The following RUNX1 variants were observed in gnomAD, a reference collection of about 807,000 sequenced individuals.
RUNX1 encodes the protein runt-related transcription factor 1.
A neutral mutation model predicts 42.8 loss-of-function variants in RUNX1; 19 were observed. The observed-to-expected ratio is 0.44, with a 90% CI of 0.31 to 0.65. The LOEUF (loss-of-function observed/expected upper bound fraction) is 0.65. Among genes scored for constraint, RUNX1 ranks in the 30% least tolerant of loss-of-function variants. The pLI is 0.07. For synonymous variants in RUNX1, 271 were observed against 289.4 expected, an observed-to-expected ratio of 0.94 and a Z score of 0.64; for missense variants, 528 against 672.0, an observed-to-expected ratio of 0.79 and a Z score of 2.37.
In RUNX1 at chr21:34,880,191, A is replaced by G. The variant is rs28404578; in HGVS notation, c.508+366T>C. 7.2e-3 allele frequency among the ~76,000 whole-genome samples: 1,092 copies of G among 152,358 alleles called. 12 individuals are homozygous for G. The highest frequency in any genetic ancestry group is 0.025 in the African/African-American group (1,025 of 41,572). ...ATCATACGTCAACAGTTTCCATTAA[A>G]TAGCTTTTGTATTGTTATCCAAGAG... On this transcript the variant is annotated intron_variant, in intron 5 of 8. Transcript: ENST00000675419.
intron 7 of RUNX1, among the ~76,000 whole-genome samples, chr21:34,822,286 C>CATGT (rs561804107): frequency 2.6e-5 from 4 of 152,182 alleles, no homozygotes; most frequent in Non-Finnish European, 5.9e-5. Flanking sequence ...TCCCCCTAAC[C>CATGT]ATGTCATGCA....
At chr21:34,886,739 C>T in intron 4 of RUNX1, 104 bp downstream of exon 4, 1 of 1,568,620 alleles carries the variant, frequency 6.4e-7, no homozygotes. Flanking sequence ...TGCGGGGGCC[C>T]CTTTCCAGAA....
At chr21:34,826,367 C>A (rs2056986922) in intron 7 of RUNX1, among the ~76,000 whole-genome samples, 1 of 151,942 alleles carries the variant, frequency 6.6e-6, no homozygotes, top group Non-Finnish European at 1.5e-5. Context: ...CAGATGCCAG[C>A]ACCATGCTCT....
At chr21:34,795,876 C>G (rs575213890) in intron 8 of RUNX1, among the ~76,000 whole-genome samples, 2 of 152,332 alleles carry the variant, frequency 1.3e-5, no homozygotes, top group East Asian at 3.9e-4. Context: ...TAGGCAAATA[C>G]AGTCAGTTTG....
intron 2 of RUNX1, among the ~76,000 whole-genome samples, chr21:34,961,358 A>AATAATAATAATAATAATG: frequency 7.6e-6 from 1 of 132,168 alleles, no homozygotes; most frequent in Non-Finnish European, 1.5e-5. Flanking sequence ...TCTATCTCAA[A>AATAATAATAATAATAATG]ATAATAATAA....
At chr21:34,893,032 T>C in intron 2 of RUNX1, 69 bp from the exon 3 acceptor site, 5 of 1,016,680 alleles carry the variant, frequency 4.9e-6, no homozygotes, top group Non-Finnish European at 7.7e-6. Context: ...CCGACTTTTT[T>C]TTTTTTGCTA....
At chr21:34,947,961 G>A (rs1266957344) in intron 2 of RUNX1, among the ~76,000 whole-genome samples, 2 of 152,024 alleles carry the variant, frequency 1.3e-5, no homozygotes, top group Admixed American at 6.5e-5. Context: ...CTTTGCTCTC[G>A]TCCAAGCCTT....
chr21:34,897,867 A>T (rs1371310187), intron 2 of RUNX1, among the ~76,000 whole-genome samples: 1 of 152,216 alleles, frequency 6.6e-6, no homozygotes, highest in African/African-American at 2.4e-5. Context: ...TTACATGGAA[A>T]AAAAGAGATT....
intron 8 of RUNX1, 26 bp downstream of exon 8, chr21:34,799,275 A>G (rs772531116): frequency 1.6e-5 from 26 of 1,613,938 alleles, no homozygotes; most frequent in Non-Finnish European, 1.9e-5. Context: ...GCTCAGCTGC[A>G]AAGAATGTGT....
intron 2 of RUNX1, among the ~76,000 whole-genome samples, chr21:34,930,270 G>GTGTATGTGTATATATA (rs372412304): frequency 9.8e-5 from 12 of 123,030 alleles, no homozygotes; most frequent in African/African-American, 4.5e-4. Flanking sequence ...GTGTGTGTAT[G>GTGTATGTGTATATATA]TATATATATA....
At chr21:35,036,371 G>T (rs143567619) in intron 2 of RUNX1, among the ~76,000 whole-genome samples, 26 of 152,234 alleles carry the variant, frequency 1.7e-4, no homozygotes, top group Non-Finnish European at 1.5e-5. Context: ...TGAGAGGCTG[G>T]CCAGCCCCCT....
chr21:34,945,114 G>A (rs1176160721), intron 2 of RUNX1, among the ~76,000 whole-genome samples: 2 of 152,132 alleles, frequency 1.3e-5, no homozygotes, highest in Non-Finnish European at 2.9e-5. Flanking sequence ...AAAAATATTT[G>A]TTGAGTATCT....
At chr21:34,975,264 G>A (rs2058792923) in intron 2 of RUNX1, among the ~76,000 whole-genome samples, 1 of 152,200 alleles carries the variant, frequency 6.6e-6, no homozygotes, top group Non-Finnish European at 1.5e-5. Flanking sequence ...TACATATTTG[G>A]CTTCATAAAG....
At chr21:34,957,447 G>A (rs1340925206) in intron 2 of RUNX1, among the ~76,000 whole-genome samples, 2 of 152,114 alleles carry the variant, frequency 1.3e-5, no homozygotes, top group African/African-American at 2.4e-5. Flanking sequence ...TTGAGCTAAC[G>A]AGGTGGCCCC....
At chr21:34,987,927 G>C (rs909604825) in intron 2 of RUNX1, among the ~76,000 whole-genome samples, 1 of 152,200 alleles carries the variant, frequency 6.6e-6, no homozygotes, top group Non-Finnish European at 1.5e-5. Flanking sequence ...CAGGGCACAG[G>C]TGGCCTGAAA....
chr21:34,962,527 C>A (rs1439884620), intron 2 of RUNX1, among the ~76,000 whole-genome samples: 1 of 152,192 alleles, frequency 6.6e-6, no homozygotes, highest in Non-Finnish European at 1.5e-5. Context: ...TTTTTCCCTT[C>A]TATTTTGTTA....
At chr21:34,871,402 A>T (rs986618709) in intron 5 of RUNX1, among the ~76,000 whole-genome samples, 1 of 152,206 alleles carries the variant, frequency 6.6e-6, no homozygotes, top group African/African-American at 2.4e-5. Flanking sequence ...GCAGATGTAT[A>T]CACGGAGAAG....
rs552707099 is a variant in RUNX1 at position 34,976,613 on chromosome 21, G to A, written c.58+72229C>T. The stretch of plus-strand genomic sequence containing the variant: ...CTCTCTGATGTCTGGTGAAGTCTGC[G>A]TCACAGAAGGGAGGACGGATACAAT... On this transcript the variant is annotated intron_variant, in intron 2 of 8. Transcript: ENST00000675419. 5.4e-4 allele frequency among the ~76,000 whole-genome samples: 82 copies of A among 152,304 alleles called. 1 individual carries two copies. Among genetic ancestry groups the A allele is most frequent in the African/African-American group, 1.7e-3 (72 of 41,542 alleles).
At chr21:34,932,837 C>T (rs28625365) in intron 2 of RUNX1, among the ~76,000 whole-genome samples, 14,465 of 152,178 alleles carry the variant, frequency 0.095, 1,064 homozygotes, top group African/African-American at 0.2. Flanking sequence ...CCTCATTACC[C>T]CCGGCATTTC....
Sources: allele counts gnomAD v4.1 joint callset (sites outside exome capture counted in the v4.1 genomes callset), GRCh38; gene constraint gnomAD v4.1.1; transcripts MANE v1.5; gene names NCBI Gene and HGNC (gene_info 2026-07-23, HGNC 2026-07-21).